Variants in SFMBT2 observed in about 807,000 individuals in gnomAD.
SFMBT2 encodes the protein scm-like with four MBT domains protein 2.
SFMBT2 carries 38 observed loss-of-function variants against 110.1 expected under a neutral mutation model. That is an observed-to-expected ratio of 0.35 (90% CI 0.27 to 0.45). The LOEUF (loss-of-function observed/expected upper bound fraction) is 0.45, where lower values mean the gene tolerates loss of function less well. SFMBT2 is among the 20% of genes least tolerant of loss of function. The pLI, the probability that SFMBT2 is intolerant of heterozygous loss-of-function variation, is 1.00. For missense variants in SFMBT2, 1,011 were observed against 1,094.9 expected (o/e 0.92, Z 1.08); for synonymous variants, 425 against 425.4 (o/e 1.00, Z 0.01).
chr10:7,315,052 G>GAAAGAA (rs1554802861), intron 4 of SFMBT2, among the ~76,000 whole-genome samples: 5 of 124,798 alleles, frequency 4.0e-5, no homozygotes, highest in African/African-American at 8.8e-5. Context: ...AAGAAAGAAA[G>GAAAGAA]AAAGAAAGAA....
intron 7 of SFMBT2, among the ~76,000 whole-genome samples, chr10:7,258,233 C>T (rs896135361): frequency 6.6e-6 from 1 of 152,156 alleles, no homozygotes; most frequent in African/African-American, 2.4e-5. Context: ...GTGCCTGGCT[C>T]CAGGAACCAC....
rs779331961 is a variant in SFMBT2, at chr10:7,293,815, A to G, written c.437-7861T>C. 3.3e-5 allele frequency among the ~76,000 whole-genome samples: 5 copies of G among 152,050 alleles called. No individual in the cohort carries two copies. The highest frequency in any genetic ancestry group is 5.9e-5 in the Non-Finnish European group (4 of 67,996). ...TATGTTAGGAACCCAGGGTCTTTCA[A>G]TCCTGTCACTCTGCTCTAAGTGAGG... On this transcript the variant is annotated intron_variant, in intron 4 of 20. Coordinates refer to ENST00000397167, the MANE Select transcript of SFMBT2 (RefSeq NM_001387889.1). This position sits in a 1 kb window ranked among gnomAD's most constrained non-coding sequence, Gnocchi z 4.6.
intron 9 of SFMBT2, among the ~76,000 whole-genome samples, chr10:7,237,013 G>C (rs574686711): frequency 6.6e-6 from 1 of 152,192 alleles, no homozygotes; most frequent in Non-Finnish European, 1.5e-5. Flanking sequence ...TCACTGAAAC[G>C]AGGAGATCCA....
chr10:7,243,954 T>G lies in SFMBT2; in HGVS notation c.973-249A>C, dbSNP rs566599159. ...TCTGGAAGAGTGAGAATGAACAAAATCAAAGACTTAGAGAAGTCAACCAAT... is the reference window on the plus strand; with the variant it reads ...TCTGGAAGAGTGAGAATGAACAAAAGCAAAGACTTAGAGAAGTCAACCAAT... On this transcript the variant is annotated intron_variant, in intron 8 of 20. Transcript: ENST00000397167. The G allele has an allele frequency of 1.1e-3, 277 of 257,566 alleles. 5 individuals are homozygous for G. In the South Asian group the frequency reaches 0.034, roughly 31 times the overall value. The allele number at this position is 257,566 out of a possible 1,614,324, so 16.0% of individuals were successfully genotyped here. A position where few individuals can be genotyped will look rare whatever the true frequency, so the allele number is the denominator to read the frequency against.
chr10:7,264,199 G>A (rs1251242817), intron 7 of SFMBT2: 21 of 243,918 alleles, frequency 8.6e-5, no homozygotes, highest in Admixed American at 4.5e-4. Context: ...ATTAAACATC[G>A]AGAAATAGAG....
At chr10:7,196,963 G>A (rs1278750244) in intron 15 of SFMBT2, among the ~76,000 whole-genome samples, 1 of 152,172 alleles carries the variant, frequency 6.6e-6, no homozygotes, top group Non-Finnish European at 1.5e-5. Context: ...CAGAAGAAAT[G>A]GGGAGCCACA....
intron 4 of SFMBT2, among the ~76,000 whole-genome samples, chr10:7,288,994 G>GAA (rs755344696): frequency 1.2e-4 from 15 of 128,558 alleles, no homozygotes; most frequent in Non-Finnish European, 1.3e-4. Context: ...CACTGTCTCA[G>GAA]AAAAAAAAAA....
chr10:7,348,256 C>T lies in SFMBT2; in HGVS notation c.436+19393G>A, dbSNP rs748805760. 72 of 1,489,086 alleles carry T rather than the reference C, an allele frequency of 4.8e-5. No individual in the cohort carries two copies. In the South Asian group the frequency reaches 5.8e-4, roughly 12 times the overall value. 92.2% of individuals were successfully genotyped at this position (1,489,086 alleles called of 1,614,324 possible). ...ATCGGGGAGTTGTTTCATTTCGTGACGGTCTCGAAGAAGTTTTGAGACATC... is the reference window on the plus strand; with the variant it reads ...ATCGGGGAGTTGTTTCATTTCGTGATGGTCTCGAAGAAGTTTTGAGACATC... On this transcript the variant is annotated intron_variant, in intron 4 of 20. Transcript: ENST00000397167.
Position 7,408,933 on chromosome 10 carries a change from G to A in SFMBT2, c.-52+1928C>T, listed in dbSNP as rs1265851347. On this transcript the variant is annotated intron_variant, in intron 1 of 20. Transcript: ENST00000397167. The surrounding 1 kb of genome is among the most constrained non-coding windows in gnomAD (Gnocchi z 5.7). ...TGCCCCTCTCCGATGCGCCGAGAGG[G>A]TTCCTAAGCCGAGCAAGGGACAATT... is the stretch of plus-strand genomic sequence containing the variant. Among the ~76,000 whole-genome samples, 1 of 152,098 alleles carries A rather than the reference G, an allele frequency of 6.6e-6. No homozygotes were observed. The highest frequency in any genetic ancestry group is 2.4e-5 in the African/African-American group (1 of 41,406).
At chr10:7,320,637 T>C in intron 4 of SFMBT2, 1 of 980,960 alleles carries the variant, frequency 1.0e-6, no homozygotes, top group Non-Finnish European at 1.2e-6. Context: ...ACCACCATTC[T>C]GGGAGGTTAA....
chr10:7,333,070 T>G (rs980852742), intron 4 of SFMBT2, among the ~76,000 whole-genome samples: 3 of 152,156 alleles, frequency 2.0e-5, no homozygotes, highest in Admixed American at 1.3e-4. Context: ...TTTCTCCATC[T>G]TGGCCAGGCT....
chr10:7,161,335 C>T lies in SFMBT2; in HGVS notation c.*2435G>A, dbSNP rs896081609. The T allele has an allele frequency of 2.0e-5, 3 of 152,256 alleles. No homozygotes were observed. The highest frequency in any genetic ancestry group is 7.2e-5 in the African/African-American group (3 of 41,446). 9.4% of individuals were successfully genotyped at this position (152,256 alleles called of 1,614,324 possible). On this transcript the variant is annotated 3_prime_UTR_variant, in exon 21 of 21. Transcript: ENST00000397167. The stretch of plus-strand genomic sequence containing the variant: ...AGTCCCTGTTCTTTTGTGGCCACCA[C>T]ATTCCCTCACCCTCGTCTCAAATAC...
chr10:7,372,869 A>C (rs565374186), intron 2 of SFMBT2, among the ~76,000 whole-genome samples: 6 of 152,178 alleles, frequency 3.9e-5, no homozygotes, highest in Non-Finnish European at 7.4e-5. Flanking sequence ...CCTCAGCTTG[A>C]ACCAGACCCT....
intron 1 of SFMBT2, among the ~76,000 whole-genome samples, chr10:7,383,786 A>G (rs1845497857): frequency 6.6e-6 from 1 of 152,160 alleles, no homozygotes; most frequent in Admixed American, 6.6e-5. Flanking sequence ...ATGAGGGCAC[A>G]AGGTTTGAGG....
chr10:7,287,486 T>C (rs895227833), intron 4 of SFMBT2: 14 of 239,256 alleles, frequency 5.9e-5, no homozygotes, highest in Non-Finnish European at 8.2e-5. Flanking sequence ...TCTCCCAAGC[T>C]ACAGATCTTC....
At chr10:7,381,432 G>A (rs1026001025) in intron 2 of SFMBT2, among the ~76,000 whole-genome samples, 4 of 152,048 alleles carry the variant, frequency 2.6e-5, no homozygotes, top group Non-Finnish European at 2.9e-5. Context: ...TGTCTCTTGC[G>A]AGCCAGAGCA....
chr10:7,201,170 C>T (rs1838941763), intron 13 of SFMBT2, among the ~76,000 whole-genome samples: 1 of 152,210 alleles, frequency 6.6e-6, no homozygotes, highest in Non-Finnish European at 1.5e-5. Flanking sequence ...TCAACCCTTA[C>T]AAGAGATCTT....
Position 7,172,118 on chromosome 10 carries a change from G to A in SFMBT2, c.2192C>T (p.Thr731Ile), listed in dbSNP as rs1183030685. The A allele has an allele frequency of 6.3e-7, 1 of 1,587,552 alleles. No individual in the cohort carries two copies. Among genetic ancestry groups the A allele is most frequent in the South Asian group, 1.1e-5 (1 of 88,848 alleles). ...EEDADAMDDD[T>I]ASEETGSELR... The stretch of plus-strand genomic sequence containing the variant: ...CTCGGAGCCGGTCTCCTCACTGGCG[G>A]TGTCATCGTCCATGGCGTCAGCGTC... Residue 731 changes from threonine to isoleucine, a missense_variant, in exon 19 of 21, where the codon ACC becomes ATC. Transcript: ENST00000397167. This position sits in a 1 kb window ranked among gnomAD's most constrained non-coding sequence, Gnocchi z 4.6.
rs1466536355 is a variant in SFMBT2 at position 7,377,360 on chromosome 10, A to T, written c.100+4439T>A. Among the ~76,000 whole-genome samples the T allele has an allele frequency of 2.0e-5, 3 of 152,172 alleles. No homozygotes were observed. In the East Asian group the frequency reaches 5.8e-4, roughly 29 times the overall value. On this transcript the variant is annotated intron_variant, in intron 2 of 20. Coordinates refer to ENST00000397167, the MANE Select transcript of SFMBT2 (RefSeq NM_001387889.1). ...CTGGTTTTGTGGAAGACAATTAGGC[A>T]CCGGTTTTGTAGAAGACAATTTTTC... is the stretch of plus-strand genomic sequence containing the variant.
Sources: gnomAD v4.1 joint callset for allele counts (sites outside exome capture counted in the v4.1 genomes callset) on GRCh38, gnomAD v4.1.1 for gene constraint, Gnocchi (gnomAD v3.1) non-coding constraint, MANE v1.5 for transcripts, NCBI Gene and HGNC (gene_info 2026-07-23, HGNC 2026-07-21) for gene names.